The following RASSF5 variants were observed in gnomAD, a reference collection of about 807,000 sequenced individuals.
RASSF5 encodes ras association domain-containing protein 5.
In RASSF5, 25 loss-of-function variants were observed where a neutral mutation model predicts 40.5. The observed-to-expected ratio is 0.62, with a 90% CI of 0.45 to 0.86. RASSF5 has a LOEUF of 0.86. Among genes scored for constraint, RASSF5 ranks in the 40% least tolerant of loss-of-function variants. The pLI is 0.00. For synonymous variants in RASSF5, 246 were observed against 252.4 expected (o/e 0.97, Z 0.24); for missense variants, 521 against 572.8 (o/e 0.91, Z 0.92).
chr1:206,508,138 G>T, intron 1 of RASSF5, 79 bp downstream of exon 1: 3 of 1,114,084 alleles, frequency 2.7e-6, no homozygotes, highest in South Asian at 4.2e-5. Flanking sequence ...CTGGGGCAGG[G>T]AGAGAGGGGC....
At chr1:206,549,587 C>T (rs1176433783) in intron 2 of RASSF5, among the ~76,000 whole-genome samples, 1 of 152,182 alleles carries the variant, frequency 6.6e-6, no homozygotes, top group Admixed American at 6.5e-5. Context: ...CCTGGGATTA[C>T]AAGCATTAGC....
At chr1:206,533,931 G>A (rs1329594545) in intron 1 of RASSF5, among the ~76,000 whole-genome samples, 11 of 152,120 alleles carry the variant, frequency 7.2e-5, no homozygotes, top group African/African-American at 2.2e-4. Flanking sequence ...GCCACGTGAC[G>A]ATGGACACAG....
chr1:206,568,649 G>A (rs1372450494), intron 2 of RASSF5, among the ~76,000 whole-genome samples: 1 of 152,182 alleles, frequency 6.6e-6, no homozygotes, highest in Non-Finnish European at 1.5e-5. Context: ...ATATGGAGGT[G>A]GAGAGAGCTC....
At chr1:206,578,023 G>T (rs1259251385) in intron 2 of RASSF5, among the ~76,000 whole-genome samples, 1 of 151,978 alleles carries the variant, frequency 6.6e-6, no homozygotes, top group Non-Finnish European at 1.5e-5. Context: ...AGGAGTTTGA[G>T]ACCAGCCTGG....
Position 206,559,227 on chromosome 1 carries a change from G to T in RASSF5, c.579+20934G>T, listed in dbSNP as rs376138891. ...TTTTGTTGCTGCCTGGGAAGGAAATGGTTCCTGTTTTTAAACCAAAGTTTA... is the reference window on the plus strand; with the variant it reads ...TTTTGTTGCTGCCTGGGAAGGAAATTGTTCCTGTTTTTAAACCAAAGTTTA... On this transcript the variant is annotated intron_variant, in intron 2 of 5. Coordinates refer to ENST00000579436, the MANE Select transcript of RASSF5 (RefSeq NM_182663.4). Among the ~76,000 whole-genome samples the T allele has an allele frequency of 3.9e-5, 6 of 152,310 alleles. 1 individual carries two copies. The highest frequency in any genetic ancestry group is 1.4e-4 in the African/African-American group (6 of 41,550).
chr1:206,512,359 A>C (rs1035592854), intron 1 of RASSF5, among the ~76,000 whole-genome samples: 1 of 152,156 alleles, frequency 6.6e-6, no homozygotes, highest in South Asian at 2.1e-4. Context: ...TGAAAGTGAA[A>C]GGATTAAATG....
intron 2 of RASSF5, among the ~76,000 whole-genome samples, chr1:206,538,559 T>C (rs1056292978): frequency 2.0e-5 from 3 of 152,302 alleles, no homozygotes; most frequent in African/African-American, 4.8e-5. Flanking sequence ...GATGTGGGTA[T>C]GAGTGAGCAG....
At chr1:206,509,034 A>G (rs1444446401) in intron 1 of RASSF5, among the ~76,000 whole-genome samples, 1 of 150,414 alleles carries the variant, frequency 6.6e-6, no homozygotes, top group Non-Finnish European at 1.5e-5. Flanking sequence ...ATCCACAGCC[A>G]TGTGTTCATG....
At chr1:206,573,269 C>T (rs1467847062) in intron 2 of RASSF5, among the ~76,000 whole-genome samples, 1 of 151,992 alleles carries the variant, frequency 6.6e-6, no homozygotes, top group Admixed American at 6.5e-5. Flanking sequence ...ACATCAATCC[C>T]GTGAGGCAAT....
chr1:206,546,912 C>T (rs971182145), intron 2 of RASSF5, among the ~76,000 whole-genome samples: 1 of 152,160 alleles, frequency 6.6e-6, no homozygotes, highest in Non-Finnish European at 1.5e-5. Flanking sequence ...AAGGAGGGAA[C>T]CATCTGTACA....
At chr1:206,533,609 A>G (rs1161004061) in intron 1 of RASSF5, among the ~76,000 whole-genome samples, 1 of 151,954 alleles carries the variant, frequency 6.6e-6, no homozygotes, top group Non-Finnish European at 1.5e-5. Flanking sequence ...AAAAAAATCA[A>G]CTGGGCATGG....
intron 1 of RASSF5, among the ~76,000 whole-genome samples, chr1:206,519,775 T>TA (rs1666856884): frequency 6.6e-6 from 1 of 152,148 alleles, no homozygotes; most frequent in South Asian, 2.1e-4. Context: ...CTATGAAAAA[T>TA]ACGATTTTTC....
chr1:206,549,517 G>T (rs1004259499), intron 2 of RASSF5, among the ~76,000 whole-genome samples: 2 of 152,084 alleles, frequency 1.3e-5, no homozygotes, highest in Non-Finnish European at 2.9e-5. Context: ...TCACTAAGTT[G>T]CCCAGGCTGG....
chr1:206,577,980 C>T (rs4845111), intron 2 of RASSF5, among the ~76,000 whole-genome samples: 114,831 of 152,104 alleles, frequency 0.75, 43,698 homozygotes, highest in East Asian at 0.99. Context: ...CCTGGCACTT[C>T]GTGAGGCTGA....
intron 2 of RASSF5, among the ~76,000 whole-genome samples, chr1:206,556,225 C>G (rs1048081112): frequency 6.6e-6 from 1 of 152,162 alleles, no homozygotes; most frequent in African/African-American, 2.4e-5. Context: ...GTGACTGGGG[C>G]GTAGGCAGCT....
At chr1:206,537,603 C>T (rs150251603) in intron 1 of RASSF5, among the ~76,000 whole-genome samples, 22 of 152,278 alleles carry the variant, frequency 1.4e-4, no homozygotes, top group African/African-American at 4.6e-4. Flanking sequence ...TGATACCAGT[C>T]AAGCATCCCA....
chr1:206,575,570 T>C (rs2103558550), intron 2 of RASSF5, among the ~76,000 whole-genome samples: 1 of 152,268 alleles, frequency 6.6e-6, no homozygotes, highest in Middle Eastern at 3.4e-3. Context: ...TGGTTATTCC[T>C]GCTGCCATTC....
intron 2 of RASSF5, among the ~76,000 whole-genome samples, chr1:206,569,632 C>CT (rs2103550187): frequency 6.6e-6 from 1 of 152,316 alleles, no homozygotes; most frequent in East Asian, 1.9e-4. Context: ...TATATTTTAT[C>CT]TTTTTCATTC....
At chr1:206,578,040 T>C (rs1668719233) in intron 2 of RASSF5, among the ~76,000 whole-genome samples, 1 of 151,302 alleles carries the variant, frequency 6.6e-6, no homozygotes, top group Non-Finnish European at 1.5e-5. Flanking sequence ...CTGGGCAACA[T>C]AGCAAGGCAC....
Sources: allele counts gnomAD v4.1 joint callset (sites outside exome capture counted in the v4.1 genomes callset), GRCh38; gene constraint gnomAD v4.1.1; transcripts MANE v1.5; gene names NCBI Gene and HGNC (gene_info 2026-07-23, HGNC 2026-07-21).